SLC9B1: variants seen among roughly 807,000 people sequenced by gnomAD.
SLC9B1 encodes the protein sodium/hydrogen exchanger 9B1.
A neutral mutation model predicts 51.7 loss-of-function variants in SLC9B1; 32 were observed. The observed-to-expected ratio is 0.62, with a 90% confidence interval of 0.47 to 0.83. The LOEUF (loss-of-function observed/expected upper bound fraction) is 0.83, where lower values mean the gene tolerates loss of function less well. SLC9B1 is among the 40% of genes least tolerant of loss of function. The pLI, the probability that SLC9B1 is intolerant of heterozygous loss-of-function variation, is 0.00. For synonymous variants in SLC9B1, 145 were observed against 212.7 expected, an observed-to-expected ratio of 0.68 and a Z score of 2.77; for missense variants, 406 against 613.2, an observed-to-expected ratio of 0.66 and a Z score of 3.57.
At chr4:102,910,935 A>G (rs1735309309) in intron 8 of SLC9B1, among the ~76,000 whole-genome samples, 1 of 152,236 alleles carries the variant, frequency 6.6e-6, no homozygotes, top group Non-Finnish European at 1.5e-5. Context: ...CTCTTTGGTC[A>G]ATATGTTACA....
At chr4:102,996,531 A>C (rs1216237473) in intron 1 of SLC9B1, among the ~76,000 whole-genome samples, 1 of 152,210 alleles carries the variant, frequency 6.6e-6, no homozygotes, top group East Asian at 1.9e-4. Flanking sequence ...AAGGAACAAC[A>C]ACAGGTCTAT....
chr4:102,923,556 T>C (rs1311860194), intron 7 of SLC9B1, among the ~76,000 whole-genome samples: 2 of 152,214 alleles, frequency 1.3e-5, no homozygotes, highest in Non-Finnish European at 2.9e-5. Flanking sequence ...TTGGAAGTTC[T>C]GGCCAGGGCA....
At chr4:102,943,327 G>A (rs1489903883) in intron 6 of SLC9B1, among the ~76,000 whole-genome samples, 1 of 151,938 alleles carries the variant, frequency 6.6e-6, no homozygotes, top group Non-Finnish European at 1.5e-5. Flanking sequence ...CCAATACTGG[G>A]TATCTACCCA....
intron 3 of SLC9B1, among the ~76,000 whole-genome samples, chr4:102,975,586 A>ATTTTTTTTTTTTTTTTTTTTT (rs1197166005): frequency 1.6e-5 from 1 of 62,304 alleles, no homozygotes; most frequent in Non-Finnish European, 2.7e-5. Context: ...ATATATATAT[A>ATTTTTTTTTTTTTTTTTTTTT]TTTTTTTTTT....
rs1052735037 is a variant in SLC9B1 at position 102,979,536 on chromosome 4, C to T, written c.211+10264G>A. The stretch of plus-strand genomic sequence containing the variant: ...AAGTCTGCTCTGAAGGATCAGCTTT[C>T]CAGACAGGAGGAGACACGATCTATG... On this transcript the variant is annotated intron_variant, in intron 3 of 11. Coordinates refer to ENST00000296422, the MANE Select transcript of SLC9B1 (RefSeq NM_139173.4). 3.9e-5 allele frequency among the ~76,000 whole-genome samples: 6 copies of T among 152,214 alleles called. No homozygotes were observed. The South Asian group carries it at 6.2e-4, about 16-fold the overall frequency.
At chr4:102,940,503 T>A (rs1578364829) in intron 6 of SLC9B1, among the ~76,000 whole-genome samples, 2 of 151,714 alleles carry the variant, frequency 1.3e-5, no homozygotes. Context: ...AAAAAAAGCA[T>A]CCTAAAATTC....
intron 3 of SLC9B1, among the ~76,000 whole-genome samples, chr4:102,949,899 T>G (rs1300261892): frequency 6.6e-6 from 1 of 151,978 alleles, no homozygotes; most frequent in South Asian, 2.1e-4. Context: ...AGGTGGAGGT[T>G]GCAGTGAGCC....
At chr4:102,887,310 A>G in intron 11 of SLC9B1, 1 of 1,139,724 alleles carries the variant, frequency 8.8e-7, no homozygotes, top group Non-Finnish European at 1.3e-6. Flanking sequence ...ATATTTTAAA[A>G]ATAACACTTG....
intron 11 of SLC9B1, 80 bp from the exon 12 acceptor site, chr4:102,901,412 T>C (rs1001085972): frequency 6.5e-7 from 1 of 1,534,974 alleles, no homozygotes; most frequent in Non-Finnish European, 8.9e-7. Flanking sequence ...TCTGTTAAAA[T>C]AAACAAAATC....
intron 1 of SLC9B1, among the ~76,000 whole-genome samples, chr4:102,995,272 A>C (rs1277901631): frequency 6.6e-6 from 1 of 152,176 alleles, no homozygotes; most frequent in East Asian, 1.9e-4. Context: ...GTGGAAGGGG[A>C]AGATTATAAA....
At chr4:102,901,946 G>C (rs1734810993) in intron 11 of SLC9B1, among the ~76,000 whole-genome samples, 1 of 152,118 alleles carries the variant, frequency 6.6e-6, no homozygotes, top group Non-Finnish European at 1.5e-5. Flanking sequence ...TTATCTTACT[G>C]AATGGTTGTG....
At chr4:102,972,373 C>T (rs1578391818) in intron 3 of SLC9B1, among the ~76,000 whole-genome samples, 1 of 152,152 alleles carries the variant, frequency 6.6e-6, no homozygotes, top group East Asian at 1.9e-4. Context: ...CACACTTCAG[C>T]CTTCGAGTAG....
chr4:102,986,255 T>C (rs1365587548), intron 3 of SLC9B1, among the ~76,000 whole-genome samples: 1 of 84,502 alleles, frequency 1.2e-5, no homozygotes, highest in Non-Finnish European at 2.2e-5. Flanking sequence ...GCTGGTGTTG[T>C]TTTTTTTTTT....
intron 7 of SLC9B1, chr4:102,912,033 T>G: frequency 4.9e-6 from 1 of 202,560 alleles, no homozygotes; most frequent in Non-Finnish European, 1.1e-5. Flanking sequence ...CTCGGGAGGC[T>G]GAGGGAGGAG....
chr4:102,970,821 T>C (rs555079146), intron 3 of SLC9B1, among the ~76,000 whole-genome samples: 2 of 151,560 alleles, frequency 1.3e-5, no homozygotes, highest in Non-Finnish European at 2.9e-5. Context: ...AAGCAAAAAA[T>C]AGCAGGGGTT....
intron 3 of SLC9B1, among the ~76,000 whole-genome samples, chr4:102,978,469 G>GA (rs756643249): frequency 1.3e-5 from 2 of 151,940 alleles, no homozygotes; most frequent in Non-Finnish European, 2.9e-5. Flanking sequence ...AAATTTATAA[G>GA]AAAAAAACAA....
At chr4:103,005,430 C>T (rs535010481) in intron 1 of SLC9B1, among the ~76,000 whole-genome samples, 9 of 152,104 alleles carry the variant, frequency 5.9e-5, no homozygotes, top group Non-Finnish European at 1.2e-4. Context: ...TATATGAACC[C>T]ACCACAGAAG....
intron 6 of SLC9B1, among the ~76,000 whole-genome samples, chr4:102,932,815 A>C (rs777165490): frequency 6.6e-6 from 1 of 152,248 alleles, no homozygotes; most frequent in Non-Finnish European, 1.5e-5. Context: ...AATTATTTGG[A>C]GTACCACTGT....
At chr4:103,002,147 C>G (rs759170581) in intron 1 of SLC9B1, among the ~76,000 whole-genome samples, 1 of 152,196 alleles carries the variant, frequency 6.6e-6, no homozygotes, top group Non-Finnish European at 1.5e-5. Context: ...TCTCCCTCAA[C>G]ACGTGGGGAT....
Sources: gnomAD v4.1 joint callset for allele counts (sites outside exome capture counted in the v4.1 genomes callset) on GRCh38, gnomAD v4.1.1 for gene constraint, MANE v1.5 for transcripts, NCBI Gene and HGNC (gene_info 2026-07-23, HGNC 2026-07-21) for gene names.